The following SLC37A1 variants were observed in gnomAD, a reference collection of about 807,000 sequenced individuals.
SLC37A1 encodes solute carrier family 37 member 1, also known as glucose-6-phosphate exchanger SLC37A1.
In SLC37A1, 49 loss-of-function variants were observed where a neutral mutation model predicts 75.3. That is an observed-to-expected ratio of 0.65 (90% confidence interval 0.52 to 0.83). The LOEUF is 0.83. Among genes scored for constraint, SLC37A1 ranks in the 40% least tolerant of loss-of-function variants. SLC37A1 has a pLI of 0.00. For synonymous variants in SLC37A1, 268 were observed against 292.1 expected (o/e 0.92, Z 0.84); for missense variants, 566 against 695.0 (o/e 0.81, Z 2.09).
chr21:42,557,010 G>C (rs958360200), intron 10 of SLC37A1, among the ~76,000 whole-genome samples: 2 of 152,198 alleles, frequency 1.3e-5, no homozygotes, highest in Non-Finnish European at 2.9e-5. Flanking sequence ...CCAGCAAGTG[G>C]ACCCTGAAGC....
chr21:42,555,287 C>A lies in SLC37A1; in HGVS notation c.849+1145C>A, dbSNP rs1019207681. ...ACAGGCTTCAGCCACCGCACCCGGC[C>A]TCTAAATAAGGTTTAACCTTCTACA... On this transcript the variant is annotated intron_variant, in intron 10 of 19. Coordinates refer to ENST00000352133, the MANE Select transcript of SLC37A1 (RefSeq NM_001320537.2). 5.0e-4 allele frequency among the ~76,000 whole-genome samples: 76 copies of A among 152,288 alleles called. 1 individual carries two copies. Among genetic ancestry groups the A allele is most frequent in the African/African-American group, 1.8e-3 (73 of 41,548 alleles).
chr21:42,506,730 G>C (rs1014985398), intron 2 of SLC37A1, among the ~76,000 whole-genome samples: 3 of 152,130 alleles, frequency 2.0e-5, no homozygotes, highest in Non-Finnish European at 4.4e-5. Flanking sequence ...CCCAAAAATA[G>C]TAAGTTTGGG....
chr21:42,541,382 C>T (rs1381208070), intron 6 of SLC37A1, among the ~76,000 whole-genome samples: 2 of 152,154 alleles, frequency 1.3e-5, no homozygotes, highest in Non-Finnish European at 2.9e-5. Flanking sequence ...CCAGGCTGGC[C>T]CAGGGTTGGG....
chr21:42,528,006 A>G (rs1311661077), intron 3 of SLC37A1, among the ~76,000 whole-genome samples: 1 of 152,244 alleles, frequency 6.6e-6, no homozygotes, highest in Non-Finnish European at 1.5e-5. Context: ...GTGATTATTT[A>G]TAGCCTGCAT....
chr21:42,517,338 C>T (rs1338404445), intron 1 of SLC37A1, among the ~76,000 whole-genome samples: 5 of 152,110 alleles, frequency 3.3e-5, no homozygotes, highest in Admixed American at 3.3e-4. Flanking sequence ...GGGGTGAATC[C>T]CACCTATTCA....
intron 2 of SLC37A1, among the ~76,000 whole-genome samples, chr21:42,521,709 T>C (rs959424116): frequency 6.6e-6 from 1 of 152,396 alleles, no homozygotes; most frequent in South Asian, 2.1e-4. Context: ...CCAAGCATGC[T>C]ATAAGTAGTC....
At chr21:42,502,972 T>C (rs1287998654) in intron 2 of SLC37A1, 4 of 152,202 alleles carry the variant, frequency 2.6e-5, no homozygotes, top group Non-Finnish European at 5.9e-5. Flanking sequence ...CCAAAGATAA[T>C]AACTACTGCC....
At chr21:42,522,980 G>T (rs903381440) in intron 2 of SLC37A1, among the ~76,000 whole-genome samples, 1 of 152,238 alleles carries the variant, frequency 6.6e-6, no homozygotes, top group Non-Finnish European at 1.5e-5. Flanking sequence ...CACCCAAGCA[G>T]CCCTGACCAT....
chr21:42,526,440 G>T (rs1306566693), intron 3 of SLC37A1, among the ~76,000 whole-genome samples: 1 of 152,226 alleles, frequency 6.6e-6, no homozygotes, highest in East Asian at 1.9e-4. Flanking sequence ...GGCCTGAGAG[G>T]CATTAGAGTC....
intron 5 of SLC37A1, among the ~76,000 whole-genome samples, chr21:42,538,785 C>G (rs935450022): frequency 1.3e-5 from 2 of 152,188 alleles, no homozygotes; most frequent in Non-Finnish European, 2.9e-5. Context: ...CCACCCCCCT[C>G]GAGGCTGTTT....
chr21:42,515,915 C>T (rs113259575), intron 1 of SLC37A1, among the ~76,000 whole-genome samples: 1,537 of 152,274 alleles, frequency 0.01, 17 homozygotes, highest in African/African-American at 0.019. Flanking sequence ...TGCACCACCA[C>T]GCCCAGCTCT....
chr21:42,527,245 C>A (rs1168349412), intron 3 of SLC37A1, among the ~76,000 whole-genome samples: 1 of 152,048 alleles, frequency 6.6e-6, no homozygotes, highest in Non-Finnish European at 1.5e-5. Context: ...GCAGATGTAG[C>A]GTGTAAGGTG....
At chr21:42,551,490 T>G (rs527797854) in intron 9 of SLC37A1, among the ~76,000 whole-genome samples, 6 of 152,296 alleles carry the variant, frequency 3.9e-5, no homozygotes, top group African/African-American at 9.6e-5. Context: ...TGAGGTTTCT[T>G]TTTGGAGGTG....
Position 42,519,523 on chromosome 21 carries a change from TC to T in SLC37A1, c.56+1014del, listed in dbSNP as rs530590819. ...GACTTCTTTTGGGGAACTCTGCTTT[TC>T]AGTAGCTAAGAGAATTCAGGAACGC... On this transcript the variant is annotated intron_variant, in intron 2 of 19. Coordinates refer to ENST00000352133, the MANE Select transcript of SLC37A1 (RefSeq NM_001320537.2). Among the ~76,000 whole-genome samples, 50 of 152,338 alleles carry T rather than the reference TC, an allele frequency of 3.3e-4. No homozygotes were observed. In the South Asian group the frequency reaches 0.01, roughly 31 times the overall value.
intron 10 of SLC37A1, among the ~76,000 whole-genome samples, chr21:42,554,484 C>G (rs549824622): frequency 6.6e-6 from 1 of 152,174 alleles, no homozygotes; most frequent in Non-Finnish European, 1.5e-5. Flanking sequence ...TGAGCAGGCT[C>G]TATTTTCAGC....
At chr21:42,530,186 A>G (rs1370912320) in intron 3 of SLC37A1, among the ~76,000 whole-genome samples, 2 of 152,332 alleles carry the variant, frequency 1.3e-5, no homozygotes, top group East Asian at 3.9e-4. Context: ...AAACATTTCC[A>G]GGAGGTACTT....
intron 18 of SLC37A1, among the ~76,000 whole-genome samples, chr21:42,577,218 A>C (rs116819871): frequency 0.5 from 76,365 of 152,046 alleles, 21,232 homozygotes; most frequent in Admixed American, 0.65. Flanking sequence ...AAGCAAAAAA[A>C]AAGTGATATT....
chr21:42,573,311 G>T lies in SLC37A1; in HGVS notation c.1424-1507G>T, dbSNP rs570353902. On this transcript the variant is annotated intron_variant, in intron 17 of 19. Transcript: ENST00000352133. The stretch of plus-strand genomic sequence containing the variant: ...TTTTTTCTCTTGCTGACCCCCTTCC[G>T]TTCCCACTGCGTTCCTCCTTCCTTG... 1.0e-4 allele frequency among the ~76,000 whole-genome samples: 15 copies of T among 146,302 alleles called. No homozygotes were observed. In the East Asian group the frequency reaches 2.7e-3, roughly 26 times the overall value.
chr21:42,513,349 T>G (rs1415952224), upstream of SLC37A1, among the ~76,000 whole-genome samples: 1 of 152,246 alleles, frequency 6.6e-6, no homozygotes, highest in Non-Finnish European at 1.5e-5. Flanking sequence ...ACAAGTTGGT[T>G]CGACATAGCC....
Sources: gnomAD v4.1 joint callset for allele counts (sites outside exome capture counted in the v4.1 genomes callset) on GRCh38, gnomAD v4.1.1 for gene constraint, MANE v1.5 for transcripts, NCBI Gene and HGNC (gene_info 2026-07-23, HGNC 2026-07-21) for gene names.